Variants in TMED6 observed in about 807,000 individuals in gnomAD.
The protein encoded by TMED6 is transmembrane emp24 domain-containing protein 6.
TMED6 carries 17 observed loss-of-function variants against 26.5 expected under a neutral mutation model. The ratio of observed to expected loss-of-function variants is 0.64; its 90% CI spans 0.44 to 0.96. TMED6 has a LOEUF of 0.96. Ranked by LOEUF, TMED6 falls within the 40% of genes least tolerant of loss-of-function variation. The pLI is 0.00. For missense variants in TMED6, 309 were observed against 296.5 expected, an observed-to-expected ratio of 1.04 and a Z score of -0.31; for synonymous variants, 107 against 106.2, an observed-to-expected ratio of 1.01 and a Z score of -0.04.
intron 3 of TMED6, 135 bp downstream of exon 3, chr16:69,347,653 C>T (rs1597232403): frequency 6.0e-6 from 8 of 1,327,878 alleles, no homozygotes; most frequent in Middle Eastern, 2.1e-4. Flanking sequence ...AGCCACCGTG[C>T]CCAGCCAAGT....
At chr16:69,349,079 G>A (rs1467121300) in intron 2 of TMED6, among the ~76,000 whole-genome samples, 1 of 152,222 alleles carries the variant, frequency 6.6e-6, no homozygotes, top group East Asian at 1.9e-4. Context: ...GGCTGGAGGA[G>A]TGCTTTGCTG....
chr16:69,343,556 A>G lies in TMED6; in HGVS notation c.574T>C (p.Phe192Leu), dbSNP rs771338150. ...TAGTTATAGTTTGATTGGATAAGGA[A>G]AAAGTCAGCCATTTTCCTCATCCGG... ...FARMRKMADF[F>L]LIQSNYNYVN... is the part of the protein sequence containing the mutation. Residue 192 changes from phenylalanine (F) to leucine (L), a missense_variant, in exon 4 of 4, where the codon TTC becomes CTC. Physicochemically the swap from Phe to Leu is conservative, Grantham distance 22. Coordinates refer to ENST00000288025, the MANE Select transcript of TMED6 (RefSeq NM_144676.4). 20 of 1,614,180 alleles carry G rather than the reference A, an allele frequency of 1.2e-5. No homozygotes were observed. In the Admixed American group the frequency reaches 3.3e-4, roughly 27 times the overall value.
At chr16:69,349,923 G>C (rs188422952) in intron 1 of TMED6, among the ~76,000 whole-genome samples, 4 of 152,166 alleles carry the variant, frequency 2.6e-5, no homozygotes, top group East Asian at 1.9e-4. Context: ...AACAGCACCC[G>C]TGTGAAGAAG....
chr16:69,348,938 T>C (rs1597232929), intron 2 of TMED6, among the ~76,000 whole-genome samples: 1 of 152,208 alleles, frequency 6.6e-6, no homozygotes, highest in Admixed American at 6.5e-5. Context: ...TTAACACTGA[T>C]ACACATGCTG....
chr16:69,349,915 C>G (rs1182266075), intron 1 of TMED6, among the ~76,000 whole-genome samples: 1 of 152,142 alleles, frequency 6.6e-6, no homozygotes, highest in Non-Finnish European at 1.5e-5. Flanking sequence ...AGAATGCCAA[C>G]AGCACCCGTG....
chr16:69,345,463 C>T (rs574028129), intron 3 of TMED6, among the ~76,000 whole-genome samples: 1 of 151,930 alleles, frequency 6.6e-6, no homozygotes, highest in African/African-American at 2.4e-5. Context: ...CTGGACAGAT[C>T]ACAAGGTCAG....
chr16:69,348,185 T>C (rs2012716470), intron 2 of TMED6: 1 of 349,486 alleles, frequency 2.9e-6, no homozygotes, highest in South Asian at 5.7e-5. Context: ...GCAAACAATG[T>C]TTTCTCTTTA....
chr16:69,344,401 G>C (rs1344923870), intron 3 of TMED6, among the ~76,000 whole-genome samples: 1 of 152,120 alleles, frequency 6.6e-6, no homozygotes, highest in Non-Finnish European at 1.5e-5. Context: ...TGTCAAATGA[G>C]CATGGCTGTG....
chr16:69,349,788 G>T, intron 1 of TMED6, 137 bp from the exon 2 acceptor site: 1 of 1,079,526 alleles, frequency 9.3e-7, no homozygotes, highest in Non-Finnish European at 1.3e-6. Context: ...CCCTGCTGGG[G>T]TTTGGAGTTG....
chr16:69,350,459 C>T (rs2142684854), intron 1 of TMED6, among the ~76,000 whole-genome samples: 1 of 151,952 alleles, frequency 6.6e-6, no homozygotes, highest in East Asian at 2.0e-4. Context: ...GCCACCAAGC[C>T]CGGCTAATTT....
intron 2 of TMED6, among the ~76,000 whole-genome samples, chr16:69,348,942 C>T (rs930675902): frequency 2.0e-5 from 3 of 152,192 alleles, no homozygotes; most frequent in Non-Finnish European, 4.4e-5. Context: ...CACTGATACA[C>T]ATGCTGTGCT....
At position 69,347,822 on chromosome 16, in the gene TMED6, C is replaced by A; in HGVS notation, c.455G>T (p.Arg152Ile). Reference sequence around the variant, plus strand: ...ATCCAGAGTATCATTCAGTTGTTTTCTTTCCTTCTGTTTGTGATCAGTCTC... The same window carrying A: ...ATCCAGAGTATCATTCAGTTGTTTTATTTCCTTCTGTTTGTGATCAGTCTC... Reference protein sequence around the residue: ...GPETDHKQKERKQLNDTLDAI... With the variant: ...GPETDHKQKEIKQLNDTLDAI... Residue 152 changes from arginine to isoleucine, a missense_variant, in exon 3 of 4, where the codon AGA (arginine) becomes ATA (isoleucine). Arg to Ile is a moderately conservative substitution (Grantham distance 97, BLOSUM62 -3). Transcript: ENST00000288025. 6.2e-7 allele frequency: 1 copy of A among 1,614,122 alleles called. No homozygotes were observed.
Position 69,343,615 on chromosome 16 carries a change from T to C in TMED6, c.515A>G (p.Asn172Ser), listed in dbSNP as rs371778303. ...GTAGTATCGCCACATGTGAAAGATATTGTTCTGCACCTTTTGTGTGCCGTC... is the reference window on the plus strand; with the variant it reads ...GTAGTATCGCCACATGTGAAAGATACTGTTCTGCACCTTTTGTGTGCCGTC... ...IEDGTQKVQN[N>S]IFHMWRYYNF... Residue 172 changes from asparagine to serine, a missense_variant, in exon 4 of 4, where the codon AAT (asparagine) becomes AGT (serine). Transcript: ENST00000288025. 154 of 1,614,198 alleles carry C rather than the reference T, an allele frequency of 9.5e-5. No individual in the cohort carries two copies. The highest frequency in any genetic ancestry group is 5.3e-4 in the South Asian group (48 of 91,086).
In TMED6 at chr16:69,351,703, C is replaced by T. The variant is rs772477389; in HGVS notation, c.51G>A (p.Thr17=). The change falls in exon 1 of 4, where the codon ACG becomes ACA. Residue 17 remains threonine, a synonymous_variant. Coordinates refer to ENST00000288025, the MANE Select transcript of TMED6 (RefSeq NM_144676.4). ...GAGLVVLNLV[T]SARSQKTEPL... ...GTTCTGTCTTCTGGCTCCTGGCAGACGTCACTAGATTCAGAACGACCAGCC... is the reference window on the plus strand; with the variant it reads ...GTTCTGTCTTCTGGCTCCTGGCAGATGTCACTAGATTCAGAACGACCAGCC... 19 of 1,613,604 alleles carry T rather than the reference C, an allele frequency of 1.2e-5. No homozygotes were observed. The highest frequency in any genetic ancestry group is 9.9e-5 in the South Asian group (9 of 91,052).
At chr16:69,345,940 A>G (rs1299860929) in intron 3 of TMED6, among the ~76,000 whole-genome samples, 1 of 152,156 alleles carries the variant, frequency 6.6e-6, no homozygotes, top group Non-Finnish European at 1.5e-5. Flanking sequence ...CAGCCTCACA[A>G]AGTGCTGGGA....
At chr16:69,345,883 T>C (rs1451437641) in intron 3 of TMED6, among the ~76,000 whole-genome samples, 2 of 152,052 alleles carry the variant, frequency 1.3e-5, no homozygotes, top group East Asian at 3.8e-4. Flanking sequence ...GGTCTTACCA[T>C]GTTTCCCAGG....
rs201778139 is a variant in TMED6, at chr16:69,343,537, T to A, written c.593A>T (p.Tyr198Phe). The change falls in exon 4 of 4, where the codon TAT becomes TTT. Residue 198 changes from tyrosine (Y) to phenylalanine (F), a missense_variant. Transcript: ENST00000288025. ...MADFFLIQSN[Y>F]NYVNWWSTAQ... The stretch of plus-strand genomic sequence containing the variant: ...TGTCGACCACCAGTTCACGTAGTTA[T>A]AGTTTGATTGGATAAGGAAAAAGTC... 4 of 1,614,192 alleles carry A rather than the reference T, an allele frequency of 2.5e-6. No homozygotes were observed. Among genetic ancestry groups the A allele is most frequent in the Non-Finnish European group, 3.4e-6 (4 of 1,180,040 alleles).
At chr16:69,346,952 TGCTTGA>T (rs2012695569) in intron 3 of TMED6, among the ~76,000 whole-genome samples, 1 of 152,086 alleles carries the variant, frequency 6.6e-6, no homozygotes, top group African/African-American at 2.4e-5. Flanking sequence ...GTGGGAGGAT[TGCTTGA>T]GCGCAGGAGG....
chr16:69,343,784 T>C (rs1296416027), intron 3 of TMED6, 144 bp from the exon 4 acceptor site: 14 of 715,490 alleles, frequency 2.0e-5, no homozygotes, highest in Admixed American at 2.8e-5. Context: ...TTGTTAAATG[T>C]TGTGTTTGCT....
Sources: gnomAD v4.1 joint callset for allele counts (sites outside exome capture counted in the v4.1 genomes callset) on GRCh38, gnomAD v4.1.1 for gene constraint, MANE v1.5 for transcripts, NCBI Gene and HGNC (gene_info 2026-07-23, HGNC 2026-07-21) for gene names.